Variants in STPG2 observed in about 807,000 individuals in gnomAD.
STPG2 encodes the protein sperm-tail PG-rich repeat-containing protein 2.
In STPG2, 56 loss-of-function variants were observed where a neutral mutation model predicts 54.2. That is an observed-to-expected ratio of 1.03 (90% CI 0.83 to 1.29). The LOEUF (loss-of-function observed/expected upper bound fraction) is 1.29, where lower values mean the gene tolerates loss of function less well. Among genes scored for constraint, STPG2 ranks in the 50% most tolerant of loss-of-function variants. The pLI is 0.00. For missense variants in STPG2, 596 were observed against 544.9 expected (o/e 1.09, Z -0.93); for synonymous variants, 200 against 181.8 (o/e 1.10, Z -0.81).
intron 5 of STPG2, among the ~76,000 whole-genome samples, chr4:97,997,058 TATC>T (rs1349307631): frequency 6.6e-6 from 1 of 152,206 alleles, no homozygotes; most frequent in Non-Finnish European, 1.5e-5. Flanking sequence ...AAAACAGAAT[TATC>T]ATTTGACCAA....
At chr4:97,687,408 C>T (rs1048914440) in intron 10 of STPG2, among the ~76,000 whole-genome samples, 4 of 151,918 alleles carry the variant, frequency 2.6e-5, no homozygotes, top group Non-Finnish European at 5.9e-5. Flanking sequence ...ACTGCAACCT[C>T]GGCTCACTGC....
chr4:97,591,811 C>T (rs534821116), intron 10 of STPG2, among the ~76,000 whole-genome samples: 25 of 152,124 alleles, frequency 1.6e-4, no homozygotes, highest in Non-Finnish European at 2.5e-4. Context: ...ACCCAAAATG[C>T]CTTCTCAGAG....
chr4:97,902,639 A>G (rs920124762), intron 8 of STPG2, among the ~76,000 whole-genome samples: 5 of 152,090 alleles, frequency 3.3e-5, no homozygotes, highest in Non-Finnish European at 7.4e-5. Flanking sequence ...AAAAAACTCA[A>G]AGGTAACCGG....
chr4:97,461,560 A>G (rs1729664087), intron 4 of STPG2, among the ~76,000 whole-genome samples: 1 of 152,268 alleles, frequency 6.6e-6, no homozygotes, highest in East Asian at 1.9e-4. Flanking sequence ...CCAGAACCCA[A>G]CCATGCTCGC....
chr4:97,841,311 C>A (rs1220160248), intron 8 of STPG2, among the ~76,000 whole-genome samples: 1 of 151,634 alleles, frequency 6.6e-6, no homozygotes, highest in African/African-American at 2.4e-5. Flanking sequence ...TGTAAGTGAA[C>A]ATTGTTTTAC....
Position 97,919,009 on chromosome 4 carries a change from T to TG in STPG2, c.1044+24887dup, listed in dbSNP as rs1300004495. Among the ~76,000 whole-genome samples, 8 of 152,318 alleles carry TG rather than the reference T, an allele frequency of 5.3e-5. No homozygotes were observed. In the South Asian group the frequency reaches 1.2e-3, roughly 24 times the overall value. ...GCAAGGTTTAATAGATTGAAATAAT[T>TG]GAGTATGCTCTACTTCAATCATGGA... On this transcript the variant is annotated intron_variant, in intron 8 of 10. Transcript: ENST00000295268.
At chr4:97,822,542 T>C (rs1728123957) in intron 9 of STPG2, among the ~76,000 whole-genome samples, 1 of 152,202 alleles carries the variant, frequency 6.6e-6, no homozygotes, top group African/African-American at 2.4e-5. Context: ...ATTCTTGCTA[T>C]AAAGAAATAC....
rs559150777 is a variant in STPG2, at chr4:97,707,392, G to A, written c.1320+5307C>T. On this transcript the variant is annotated intron_variant, in intron 10 of 10. Coordinates refer to ENST00000295268, the MANE Select transcript of STPG2 (RefSeq NM_174952.3). ...AAAAATTAGCCAGGTATGGTGGTGC[G>A]TGCTTGTAGTTCCAGCTACCTGGGA... Among the ~76,000 whole-genome samples, 6 of 152,106 alleles carry A rather than the reference G, an allele frequency of 3.9e-5. No homozygotes were observed. The South Asian group carries it at 8.3e-4, about 21-fold the overall frequency.
At chr4:97,650,227 G>A (rs888803332) in intron 10 of STPG2, among the ~76,000 whole-genome samples, 1 of 152,168 alleles carries the variant, frequency 6.6e-6, no homozygotes, top group African/African-American at 2.4e-5. Context: ...TATGCAGCCT[G>A]TCTCCTAACA....
At chr4:97,537,803 C>T (rs936880365) in intron 4 of STPG2, among the ~76,000 whole-genome samples, 1 of 152,150 alleles carries the variant, frequency 6.6e-6, no homozygotes, top group Admixed American at 6.5e-5. Context: ...CTAGTAGGGG[C>T]AGACTGACAC....
chr4:97,635,042 A>G (rs1211861859), intron 10 of STPG2, among the ~76,000 whole-genome samples: 1 of 152,116 alleles, frequency 6.6e-6, no homozygotes, highest in Non-Finnish European at 1.5e-5. Flanking sequence ...TAATTGTCAG[A>G]TTCACCAAAG....
intron 8 of STPG2, among the ~76,000 whole-genome samples, chr4:97,931,546 T>A (rs998271545): frequency 1.3e-5 from 2 of 152,248 alleles, no homozygotes; most frequent in Non-Finnish European, 2.9e-5. Flanking sequence ...TTCATCATGG[T>A]GGATTACCTT....
chr4:97,919,114 G>A (rs1731997608), intron 8 of STPG2, among the ~76,000 whole-genome samples: 1 of 151,782 alleles, frequency 6.6e-6, no homozygotes, highest in African/African-American at 2.4e-5. Context: ...TGTCAAAATA[G>A]AAAAACAAAC....
At chr4:98,070,134 T>G (rs1737956432) in intron 5 of STPG2, among the ~76,000 whole-genome samples, 1 of 151,908 alleles carries the variant, frequency 6.6e-6, no homozygotes, top group Non-Finnish European at 1.5e-5. Flanking sequence ...TACTACCAAA[T>G]CAAATCCAGC....
chr4:98,024,907 G>A (rs182925901), intron 5 of STPG2, among the ~76,000 whole-genome samples: 111 of 142,140 alleles, frequency 7.8e-4, no homozygotes, highest in African/African-American at 2.5e-3. Context: ...AATAGGCTAT[G>A]TAAATATTAA....
At chr4:97,959,324 G>C (rs975907915) in intron 7 of STPG2, among the ~76,000 whole-genome samples, 7 of 151,008 alleles carry the variant, frequency 4.6e-5, no homozygotes, top group Non-Finnish European at 1.0e-4. Context: ...AGAGAAACAA[G>C]AAAAAACCAA....
intron 4 of STPG2, among the ~76,000 whole-genome samples, chr4:97,548,177 C>A (rs1244749593): frequency 7.8e-6 from 1 of 127,840 alleles, no homozygotes; most frequent in Non-Finnish European, 1.8e-5. Flanking sequence ...AAACAAAATA[C>A]ATGAGTAGTC....
At chr4:97,740,910 A>G (rs1224255815) in intron 9 of STPG2, among the ~76,000 whole-genome samples, 1 of 152,152 alleles carries the variant, frequency 6.6e-6, no homozygotes, top group Non-Finnish European at 1.5e-5. Context: ...CGCCAAGTCA[A>G]TCTTAAGGCA....
chr4:98,026,044 G>C, intron 5 of STPG2: 1 of 1,065,412 alleles, frequency 9.4e-7, no homozygotes, highest in East Asian at 2.4e-5. Flanking sequence ...ACAAGAAACA[G>C]TTCTCTCAAT....
Sources: allele counts gnomAD v4.1 joint callset (sites outside exome capture counted in the v4.1 genomes callset), GRCh38; gene constraint gnomAD v4.1.1; transcripts MANE v1.5; gene names NCBI Gene and HGNC (gene_info 2026-07-23, HGNC 2026-07-21).